SNX18: variants seen among roughly 807,000 people sequenced by gnomAD.
SNX18 encodes sorting nexin-18.
In SNX18, 35 loss-of-function variants were observed where a neutral mutation model predicts 48.7. The observed-to-expected ratio is 0.72, with a 90% CI of 0.55 to 0.95. The LOEUF (loss-of-function observed/expected upper bound fraction) is 0.95. Ranked by LOEUF, SNX18 falls within the 40% of genes least tolerant of loss-of-function variation. The probability of loss-of-function intolerance (pLI) is 0.00; values close to 1 mark genes in which losing one functional copy is unlikely to be tolerated. For missense variants in SNX18, 824 were observed against 871.0 expected, an observed-to-expected ratio of 0.95 and a Z score of 0.68; for synonymous variants, 492 against 384.7, an observed-to-expected ratio of 1.28 and a Z score of -3.26.
the SNX18 span, among the ~76,000 whole-genome samples, chr5:54,597,627 C>A: frequency 6.6e-6 from 1 of 152,196 alleles, no homozygotes; most frequent in Non-Finnish European, 1.5e-5. Context: ...TAACAGCCTG[C>A]TCCTGAATGA....
chr5:54,521,339 A>G (rs1561113540), intron 1 of SNX18, among the ~76,000 whole-genome samples: 2 of 152,330 alleles, frequency 1.3e-5, no homozygotes, highest in East Asian at 3.9e-4. Flanking sequence ...TTGAAATTAT[A>G]TATTAGAAAA....
chr5:54,535,947 C>T (rs1327193928), intron 1 of SNX18, among the ~76,000 whole-genome samples: 8 of 152,176 alleles, frequency 5.3e-5, no homozygotes, highest in Admixed American at 5.2e-4. Context: ...CCTGAGTGCA[C>T]TTTCTGTCCT....
downstream of SNX18, among the ~76,000 whole-genome samples, chr5:54,550,727 G>A (rs560523598): frequency 2.5e-4 from 38 of 152,212 alleles, no homozygotes; most frequent in Middle Eastern, 6.8e-3. Context: ...TGGGATTACG[G>A]GTGCCCGCCA....
chr5:54,582,089 A>T, the SNX18 span, among the ~76,000 whole-genome samples: 4 of 152,344 alleles, frequency 2.6e-5, no homozygotes, highest in East Asian at 7.7e-4. Flanking sequence ...AACAGAACAG[A>T]TCCTCCCTAG....
chr5:54,625,099 A>C, the SNX18 span, among the ~76,000 whole-genome samples: 5 of 152,204 alleles, frequency 3.3e-5, no homozygotes, highest in Admixed American at 2.6e-4. Context: ...TGTGTTTTCG[A>C]GTACCAGAAT....
At chr5:54,584,340 G>A in the SNX18 span, among the ~76,000 whole-genome samples, 8 of 152,030 alleles carry the variant, frequency 5.3e-5, no homozygotes, top group African/African-American at 1.9e-4. Context: ...GAGCCACTGC[G>A]TCCAGGCACC....
At chr5:54,601,720 C>T in the SNX18 span, among the ~76,000 whole-genome samples, 1 of 152,120 alleles carries the variant, frequency 6.6e-6, no homozygotes, top group African/African-American at 2.4e-5. Context: ...TCCAGTTCTG[C>T]CTTCTGCTCC....
chr5:54,607,804 G>C, the SNX18 span, among the ~76,000 whole-genome samples: 1 of 152,082 alleles, frequency 6.6e-6, no homozygotes, highest in Non-Finnish European at 1.5e-5. Flanking sequence ...CGTGGTGGTG[G>C]ATGCCTGTAG....
the SNX18 span, among the ~76,000 whole-genome samples, chr5:54,599,679 T>A: frequency 2.0e-5 from 3 of 151,812 alleles, no homozygotes; most frequent in Non-Finnish European, 2.9e-5. Flanking sequence ...AGAAATAAGA[T>A]CACACATCTG....
the SNX18 span, among the ~76,000 whole-genome samples, chr5:54,584,437 A>G: frequency 6.6e-6 from 1 of 152,068 alleles, no homozygotes; most frequent in Non-Finnish European, 1.5e-5. Context: ...ATTACCCCCA[A>G]TGTGCTTATG....
chr5:54,615,622 C>G, the SNX18 span, among the ~76,000 whole-genome samples: 6 of 152,200 alleles, frequency 3.9e-5, no homozygotes, highest in Non-Finnish European at 7.3e-5. Flanking sequence ...TTAAATGCTT[C>G]TGAAAATACA....
chr5:54,601,775 G>A, the SNX18 span, among the ~76,000 whole-genome samples: 1 of 151,988 alleles, frequency 6.6e-6, no homozygotes, highest in Non-Finnish European at 1.5e-5. Flanking sequence ...CCTCACTGTT[G>A]CATCACGTGA....
intron 1 of SNX18, among the ~76,000 whole-genome samples, chr5:54,541,989 C>T (rs1762480286): frequency 6.6e-6 from 1 of 152,132 alleles, no homozygotes; most frequent in South Asian, 2.1e-4. Flanking sequence ...GTTCCTGGTT[C>T]CCTCCTCAGT....
the SNX18 span, among the ~76,000 whole-genome samples, chr5:54,616,905 T>C: frequency 3.3e-5 from 5 of 152,242 alleles, no homozygotes; most frequent in East Asian, 1.9e-4. Flanking sequence ...TTTCTTTTCC[T>C]GTGCTGGGAC....
intron 1 of SNX18, among the ~76,000 whole-genome samples, chr5:54,521,783 G>A (rs1489610099): frequency 6.6e-6 from 1 of 152,104 alleles, no homozygotes; most frequent in Non-Finnish European, 1.5e-5. Flanking sequence ...GCCCAGGCTT[G>A]TCTCTAACTC....
intron 1 of SNX18, among the ~76,000 whole-genome samples, chr5:54,541,384 T>C (rs1010809461): frequency 1.3e-5 from 2 of 152,230 alleles, no homozygotes; most frequent in Admixed American, 1.3e-4. Context: ...TGTACAAATA[T>C]AACAAAGATA....
chr5:54,598,192 C>A, the SNX18 span, among the ~76,000 whole-genome samples: 1 of 152,118 alleles, frequency 6.6e-6, no homozygotes, highest in Non-Finnish European at 1.5e-5. Flanking sequence ...GAAGTTGAAT[C>A]CCTGAATAGA....
Position 54,543,214 on chromosome 5 carries a change from G to C in SNX18, c.1657G>C (p.Val553Leu). Reference sequence around the variant, plus strand: ...CAAAGTCAAGGAGAGTAGGCGACACGTGGAGGAAGGGAAGATGGAGGTGCA... The same window carrying C: ...CAAAGTCAAGGAGAGTAGGCGACACCTGGAGGAAGGGAAGATGGAGGTGCA... ...LTKVKESRRH[V>L]EEGKMEVQKA... The change falls in exon 2 of 2, where the codon GTG (valine) becomes CTG (leucine). Residue 553 changes from valine (V) to leucine (L), a missense_variant. By Grantham distance (32) the Val-to-Leu change is conservative. Transcript: ENST00000381410. 6.2e-7 allele frequency: 1 copy of C among 1,614,080 alleles called. No homozygotes were observed. The highest frequency in any genetic ancestry group is 8.5e-7 in the Non-Finnish European group (1 of 1,180,006).
the SNX18 span, among the ~76,000 whole-genome samples, chr5:54,613,309 C>T: frequency 6.6e-6 from 1 of 151,688 alleles, no homozygotes; most frequent in Non-Finnish European, 1.5e-5. Context: ...TTGGGACGTT[C>T]AAGGTTGAAG....
Sources: gnomAD v4.1 joint callset for allele counts (sites outside exome capture counted in the v4.1 genomes callset) on GRCh38, gnomAD v4.1.1 for gene constraint, MANE v1.5 for transcripts, NCBI Gene and HGNC (gene_info 2026-07-23, HGNC 2026-07-21) for gene names.